The following EFL1 variants were observed in gnomAD, a reference collection of about 807,000 sequenced individuals.
The protein encoded by EFL1 is elongation factor like GTPase 1, also known as elongation factor-like GTPase 1.
A neutral mutation model predicts 126.7 loss-of-function variants in EFL1; 76 were observed. The observed-to-expected ratio is 0.60, with a 90% CI of 0.50 to 0.73. The LOEUF (loss-of-function observed/expected upper bound fraction) is 0.73. Among genes scored for constraint, EFL1 ranks in the 30% least tolerant of loss-of-function variants. The pLI is 0.00. For missense variants in EFL1, 1,128 were observed against 1,343.2 expected (o/e 0.84, Z 2.50); for synonymous variants, 410 against 448.4 (o/e 0.91, Z 1.08).
chr15:82,230,826 A>C, intron 8 of EFL1, 22 bp downstream of exon 8: 1 of 1,586,986 alleles, frequency 6.3e-7, no homozygotes, highest in African/African-American at 1.4e-5. Flanking sequence ...CCAACAACCA[A>C]AAGGGACATA....
chr15:82,261,851 A>C, intron 1 of EFL1, 54 bp from the exon 2 acceptor site: 1 of 1,380,624 alleles, frequency 7.2e-7, no homozygotes. Context: ...TCGGGGCAAA[A>C]GAAAAAAATA....
intron 15 of EFL1, among the ~76,000 whole-genome samples, chr15:82,200,394 C>T (rs2074454576): frequency 6.6e-6 from 1 of 152,182 alleles, no homozygotes; most frequent in African/African-American, 2.4e-5. Flanking sequence ...TTGAGTCTTG[C>T]CTTCCCTTGG....
chr15:82,238,663 C>T (rs2074899477), intron 6 of EFL1, 142 bp from the exon 7 acceptor site: 1 of 670,356 alleles, frequency 1.5e-6, no homozygotes. Context: ...AGGTGACATT[C>T]ATAATCAGTG....
At chr15:82,214,367 G>A (rs2074621461) in intron 15 of EFL1, among the ~76,000 whole-genome samples, 1 of 152,204 alleles carries the variant, frequency 6.6e-6, no homozygotes, top group Non-Finnish European at 1.5e-5. Flanking sequence ...AATAGTTTCT[G>A]ACAATTTAGA....
chr15:82,170,055 C>T (rs2074117548), intron 15 of EFL1, among the ~76,000 whole-genome samples: 1 of 149,902 alleles, frequency 6.7e-6, no homozygotes, highest in Admixed American at 6.6e-5. Flanking sequence ...AATAACCACA[C>T]AGAGGACATG....
At chr15:82,136,197 A>T (rs894976457) in intron 19 of EFL1, among the ~76,000 whole-genome samples, 2 of 152,234 alleles carry the variant, frequency 1.3e-5, no homozygotes, top group Non-Finnish European at 2.9e-5. Context: ...TACGAATTCA[A>T]ATGAATCATT....
At chr15:82,199,294 G>A (rs915514954) in intron 15 of EFL1, among the ~76,000 whole-genome samples, 1 of 152,162 alleles carries the variant, frequency 6.6e-6, no homozygotes, top group African/African-American at 2.4e-5. Flanking sequence ...TAAGATAGCA[G>A]TTGGTTGCTC....
chr15:82,131,489 G>A (rs1050706648), intron 19 of EFL1, among the ~76,000 whole-genome samples: 2 of 152,094 alleles, frequency 1.3e-5, no homozygotes, highest in African/African-American at 4.8e-5. Context: ...GGTGGTGGGT[G>A]CATGACATTG....
rs2074299455 is a variant in EFL1, at chr15:82,185,977, C to T, written c.1751-21993G>A. Among the ~76,000 whole-genome samples, 3 of 152,112 alleles carry T rather than the reference C, an allele frequency of 2.0e-5. No homozygotes were observed. In the South Asian group the frequency reaches 6.2e-4, roughly 31 times the overall value. On this transcript the variant is annotated intron_variant, in intron 15 of 19. Transcript: ENST00000268206. ...CAGTGAGACATTTAACTATTGTACT[C>T]ATCTTTTTAAATACATCTGCTATTT...
intron 16 of EFL1, among the ~76,000 whole-genome samples, chr15:82,161,000 T>C (rs77979266): frequency 0.019 from 2,870 of 152,306 alleles, 38 homozygotes; most frequent in Middle Eastern, 0.034. Context: ...GGAACATTTG[T>C]AGTTCTCTGT....
chr15:82,207,912 G>A (rs1254905483), intron 15 of EFL1, among the ~76,000 whole-genome samples: 2 of 151,962 alleles, frequency 1.3e-5, no homozygotes, highest in Non-Finnish European at 2.9e-5. Flanking sequence ...GTAGAGATGG[G>A]GTTTCACCAT....
At chr15:82,201,581 T>C (rs907924333) in intron 15 of EFL1, among the ~76,000 whole-genome samples, 17 of 152,100 alleles carry the variant, frequency 1.1e-4, no homozygotes, top group Non-Finnish European at 8.8e-5. Context: ...TCCTTTTATT[T>C]TAATAAAACA....
At chr15:82,136,256 C>A (rs77541858) in intron 19 of EFL1, among the ~76,000 whole-genome samples, 2,315 of 152,264 alleles carry the variant, frequency 0.015, 26 homozygotes, top group Middle Eastern at 0.024. Flanking sequence ...TATTTGGGAT[C>A]TGCATTTACA....
At chr15:82,242,073 C>T (rs2074936600) in intron 4 of EFL1, among the ~76,000 whole-genome samples, 1 of 152,066 alleles carries the variant, frequency 6.6e-6, no homozygotes, top group Non-Finnish European at 1.5e-5. Context: ...CTATCAAAGC[C>T]CTTAGTCCCA....
intron 16 of EFL1, among the ~76,000 whole-genome samples, chr15:82,162,836 T>C (rs965847549): frequency 1.3e-5 from 2 of 152,176 alleles, no homozygotes; most frequent in Non-Finnish European, 2.9e-5. Context: ...GGGATACATA[T>C]GTTCAGGAGC....
At chr15:82,221,588 G>C (rs1048167363) in intron 12 of EFL1, among the ~76,000 whole-genome samples, 4 of 152,136 alleles carry the variant, frequency 2.6e-5, no homozygotes, top group African/African-American at 9.7e-5. Flanking sequence ...CAAAATCAAT[G>C]AGTTTAGTTC....
rs559233936 is a variant in EFL1 at position 82,199,590 on chromosome 15, A to G, written c.1750+15127T>C. On this transcript the variant is annotated intron_variant, in intron 15 of 19. Coordinates refer to ENST00000268206, the MANE Select transcript of EFL1 (RefSeq NM_024580.6). ...TTGGTAATAATAAAGAAACCAGAAC[A>G]ACATAATGCTGGGTTTAAGCTGCAG... 2.1e-3 allele frequency among the ~76,000 whole-genome samples: 315 copies of G among 152,368 alleles called. 2 individuals are homozygous for G. Among genetic ancestry groups the G allele is most frequent in the Non-Finnish European group, 4.0e-3 (270 of 68,034 alleles).
chr15:82,213,385 G>A (rs528169344), intron 15 of EFL1, among the ~76,000 whole-genome samples: 1 of 152,258 alleles, frequency 6.6e-6, no homozygotes, highest in South Asian at 2.1e-4. Context: ...GTACCATATG[G>A]CAGAGCCAAG....
rs553502967 is a variant in EFL1 at position 82,256,499 on chromosome 15, T to C, written c.159+2589A>G. On this transcript the variant is annotated intron_variant, in intron 3 of 19. Coordinates refer to ENST00000268206, the MANE Select transcript of EFL1 (RefSeq NM_024580.6). Reference sequence around the variant, plus strand: ...TTATCACTGCAACTAGAACCTCCAGTACAATCTAAAGTAGAAGTTATAACA... The same window carrying C: ...TTATCACTGCAACTAGAACCTCCAGCACAATCTAAAGTAGAAGTTATAACA... Among the ~76,000 whole-genome samples the C allele has an allele frequency of 3.3e-5, 5 of 152,314 alleles. No homozygotes were observed. The East Asian group carries it at 9.6e-4, about 29-fold the overall frequency.
Sources: gnomAD v4.1 joint callset for allele counts (sites outside exome capture counted in the v4.1 genomes callset) on GRCh38, gnomAD v4.1.1 for gene constraint, MANE v1.5 for transcripts, NCBI Gene and HGNC (gene_info 2026-07-23, HGNC 2026-07-21) for gene names.